The following ZNF519 variants were observed in gnomAD, a reference collection of about 807,000 sequenced individuals.
ZNF519 encodes the protein zinc finger protein 519, also known as similar to Zinc finger protein 85 (Zinc finger protein HPF4) (HTF1).
ZNF519 carries 7 observed loss-of-function variants against 7.4 expected under a neutral mutation model. The ratio of observed to expected loss-of-function variants is 0.94; its 90% CI spans 0.54 to 1.77. The LOEUF is 1.77. Among genes scored for constraint, ZNF519 ranks in the 40% most tolerant of loss-of-function variants. The pLI, the probability that ZNF519 is intolerant of heterozygous loss-of-function variation, is 0.00. For missense variants in ZNF519, 586 were observed against 623.1 expected, an observed-to-expected ratio of 0.94 and a Z score of 0.63; for synonymous variants, 179 against 203.3, an observed-to-expected ratio of 0.88 and a Z score of 1.02.
At chr18:14,078,198 AC>A (rs2046055914) in intron 4 of ZNF519, 2 of 151,984 alleles carry the variant, frequency 1.3e-5, no homozygotes, top group Non-Finnish European at 1.5e-5. Context: ...CCAACCACTC[AC>A]CTCCTGCTGT....
At chr18:14,116,395 C>T (rs1346111840) in intron 2 of ZNF519, among the ~76,000 whole-genome samples, 1 of 152,110 alleles carries the variant, frequency 6.6e-6, no homozygotes. Context: ...AAATTAGAGG[C>T]ACCACACTTC....
chr18:14,130,858 A>C (rs1181782421), intron 1 of ZNF519, among the ~76,000 whole-genome samples: 1 of 151,762 alleles, frequency 6.6e-6, no homozygotes, highest in Non-Finnish European at 1.5e-5. Flanking sequence ...AAAAAAAAAA[A>C]AAATCTTAAA....
intron 2 of ZNF519, among the ~76,000 whole-genome samples, chr18:14,112,178 T>C (rs772526882): frequency 1.3e-5 from 2 of 152,114 alleles, no homozygotes; most frequent in Admixed American, 1.3e-4. Flanking sequence ...CTTCAACATA[T>C]GCAAATCAAT....
chr18:14,091,891 G>GT (rs1234745985), intron 2 of ZNF519, among the ~76,000 whole-genome samples: 1 of 152,176 alleles, frequency 6.6e-6, no homozygotes, highest in Non-Finnish European at 1.5e-5. Context: ...TATGAATGTG[G>GT]TGGGTGTGAG....
chr18:14,095,440 A>C (rs12955757), downstream of ZNF519, among the ~76,000 whole-genome samples: 39,354 of 152,146 alleles, frequency 0.26, 5,533 homozygotes, highest in South Asian at 0.37. Context: ...CGCTGCAGTC[A>C]TTGTAACACT....
Position 14,105,731 on chromosome 18 carries a change from C to G in ZNF519, c.809G>C (p.Arg270Pro). The stretch of plus-strand genomic sequence containing the variant: ...TAAGCCCCTGGTAAAAGCTTTGCCA[C>G]GTTCTTTATATTTCACTGATTTTTC... ...TGEKSVKYKE[R>P]GKAFTRGLHL... Residue 270 changes from arginine to proline, a missense_variant, in exon 3 of 3, where the codon CGT becomes CCT. Arg to Pro is a moderately radical substitution (Grantham distance 103, BLOSUM62 -2). Transcript: ENST00000590202. 1 of 1,613,866 alleles carries G rather than the reference C, an allele frequency of 6.2e-7. No homozygotes were observed. Among genetic ancestry groups the G allele is most frequent in the Non-Finnish European group, 8.5e-7 (1 of 1,179,918 alleles).
intron 3 of ZNF519, among the ~76,000 whole-genome samples, chr18:14,083,667 T>C (rs937019960): frequency 4.6e-5 from 7 of 151,998 alleles, no homozygotes; most frequent in Admixed American, 1.3e-4. Context: ...CCCAGCACTT[T>C]GGGAGCATGA....
downstream of ZNF519, among the ~76,000 whole-genome samples, chr18:14,095,535 A>G (rs1362020514): frequency 2.0e-5 from 3 of 152,192 alleles, no homozygotes; most frequent in Non-Finnish European, 4.4e-5. Context: ...TTGCCTGCCA[A>G]TGAGGTTTAT....
At position 14,106,399 on chromosome 18, in the gene ZNF519, A is replaced by C. The variant is rs1448604043; in HGVS notation, c.141T>G (p.Ser47=). 2 of 1,588,828 alleles carry C rather than the reference A, an allele frequency of 1.3e-6. No individual in the cohort carries two copies. Among genetic ancestry groups the C allele is most frequent in the African/African-American group, 1.4e-5 (1 of 73,232 alleles). ...CTGGTAAAATGCCTTGGTTGTAATA[A>C]GAATACACAGCTGAAAGAAGTAAAA... ...YRNLVSLAVY[S]YYNQGILPEQ... is the part of the protein sequence containing the mutation. Residue 47 remains serine (S), a synonymous_variant, in exon 3 of 3, where the codon TCT becomes TCG. Coordinates refer to ENST00000590202, the MANE Select transcript of ZNF519 (RefSeq NM_145287.4).
chr18:14,125,086 T>C (rs12607953), intron 1 of ZNF519, among the ~76,000 whole-genome samples: 67,282 of 152,028 alleles, frequency 0.44, 16,519 homozygotes, highest in Non-Finnish European at 0.54. Flanking sequence ...AATGCTGATA[T>C]TCCTCCTCGT....
At position 14,113,189 on chromosome 18, in the gene ZNF519, A is replaced by C. The variant is rs751177048; in HGVS notation, c.131-6780T>G. ...AACAATGCTGTGTGAAAGGAAAATA[A>C]ATCTTTGAACCCCCAAATCACTAAG... is the stretch of plus-strand genomic sequence containing the variant. On this transcript the variant is annotated intron_variant, in intron 2 of 2. Transcript: ENST00000590202. Among the ~76,000 whole-genome samples, 51 of 152,196 alleles carry C rather than the reference A, an allele frequency of 3.4e-4. 1 individual carries two copies. The highest frequency in any genetic ancestry group is 2.9e-4 in the Non-Finnish European group (20 of 68,032).
At chr18:14,099,778 G>A (rs947147504), downstream of ZNF519, among the ~76,000 whole-genome samples, 5 of 152,060 alleles carry the variant, frequency 3.3e-5, no homozygotes, top group African/African-American at 1.2e-4. Context: ...CCATCCCTCA[G>A]GCTAAATTAA....
chr18:14,111,835 C>T (rs1313992078), intron 2 of ZNF519, among the ~76,000 whole-genome samples: 3 of 152,102 alleles, frequency 2.0e-5, no homozygotes, highest in South Asian at 2.1e-4. Flanking sequence ...TCACTGAATT[C>T]GACCAAACAT....
chr18:14,105,521 C>A lies in ZNF519; in HGVS notation c.1019G>T (p.Arg340Ile). The stretch of plus-strand genomic sequence containing the variant: ...GAAAGCTCTCTCTCCAGTATGGATT[C>A]TCTGATGTTGAGTAAGGTATGAGCC... ...NRGSYLTQHQ[R>I]IHTGERAFKC... is the part of the protein sequence containing the mutation. Residue 340 changes from arginine to isoleucine, a missense_variant, in exon 3 of 3, where the codon AGA becomes ATA. Arg to Ile is a moderately conservative substitution (Grantham distance 97). Coordinates refer to ENST00000590202, the MANE Select transcript of ZNF519 (RefSeq NM_145287.4). 1 of 1,613,956 alleles carries A rather than the reference C, an allele frequency of 6.2e-7. No homozygotes were observed. Among genetic ancestry groups the A allele is most frequent in the Non-Finnish European group, 8.5e-7 (1 of 1,179,974 alleles).
chr18:14,113,356 C>T (rs1314115505), intron 2 of ZNF519, among the ~76,000 whole-genome samples: 1 of 152,126 alleles, frequency 6.6e-6, no homozygotes, highest in East Asian at 1.9e-4. Context: ...AGAATGCAAC[C>T]GTTTGTCTCC....
chr18:14,094,400 T>C (rs1488322592), intron 2 of ZNF519, among the ~76,000 whole-genome samples: 1 of 152,244 alleles, frequency 6.6e-6, no homozygotes, highest in Non-Finnish European at 1.5e-5. Context: ...CTTTTCAGTA[T>C]AACATTAGCA....
At chr18:14,084,663 A>G (rs185593275) in intron 3 of ZNF519, among the ~76,000 whole-genome samples, 1 of 152,060 alleles carries the variant, frequency 6.6e-6, no homozygotes, top group East Asian at 1.9e-4. Context: ...TTAGCCCCCA[A>G]ACTGCAGTTA....
intron 2 of ZNF519, among the ~76,000 whole-genome samples, chr18:14,106,642 A>G (rs537312629): frequency 5.1e-4 from 78 of 152,282 alleles, no homozygotes; most frequent in African/African-American, 1.8e-3. Flanking sequence ...GAAAACCTTC[A>G]TAAGAATAAA....
At chr18:14,094,296 GCT>G (rs1269395754) in intron 2 of ZNF519, among the ~76,000 whole-genome samples, 1 of 152,188 alleles carries the variant, frequency 6.6e-6, no homozygotes, top group Non-Finnish European at 1.5e-5. Flanking sequence ...CTTTCTAAAT[GCT>G]CTGTCTAGGA....
Sources: gnomAD v4.1 joint callset for allele counts (sites outside exome capture counted in the v4.1 genomes callset) on GRCh38, gnomAD v4.1.1 for gene constraint, MANE v1.5 for transcripts, NCBI Gene and HGNC (gene_info 2026-07-23, HGNC 2026-07-21) for gene names.